The following ATP2B1 variants were observed in gnomAD, a reference collection of about 807,000 sequenced individuals.
ATP2B1 encodes the protein plasma membrane calcium-transporting ATPase 1.
A neutral mutation model predicts 124.2 loss-of-function variants in ATP2B1; 14 were observed. The ratio of observed to expected loss-of-function variants is 0.11; its 90% CI spans 0.07 to 0.18. The LOEUF is 0.18. ATP2B1 is among the 10% of genes least tolerant of loss of function. ATP2B1 has a pLI of 1.00. For missense variants in ATP2B1, 763 were observed against 1,466.1 expected, an observed-to-expected ratio of 0.52 and a Z score of 7.83; for synonymous variants, 449 against 492.4, an observed-to-expected ratio of 0.91 and a Z score of 1.17.
chr12:89,597,971 A>G (rs928698448), intron 20 of ATP2B1, among the ~76,000 whole-genome samples: 2 of 149,736 alleles, frequency 1.3e-5, no homozygotes, highest in Non-Finnish European at 3.0e-5. Flanking sequence ...AACACCCCAA[A>G]CCATAAATAC....
chr12:89,644,083 C>T (rs188172409), intron 2 of ATP2B1, among the ~76,000 whole-genome samples: 17 of 152,178 alleles, frequency 1.1e-4, no homozygotes, highest in Non-Finnish European at 2.1e-4. Context: ...GATCACACCA[C>T]TGAACTCCAG....
chr12:89,706,183 C>T (rs1333858264), intron 1 of ATP2B1, among the ~76,000 whole-genome samples: 1 of 152,172 alleles, frequency 6.6e-6, no homozygotes, highest in Non-Finnish European at 1.5e-5. Context: ...TGTATACAAA[C>T]CACTTTTTCT....
intron 3 of ATP2B1, among the ~76,000 whole-genome samples, chr12:89,637,235 G>A (rs193070300): frequency 9.9e-5 from 15 of 152,170 alleles, no homozygotes; most frequent in African/African-American, 3.6e-4. Context: ...ATAACTGGTG[G>A]GTAGGTATCA....
intron 1 of ATP2B1, among the ~76,000 whole-genome samples, chr12:89,685,045 A>C (rs1889797657): frequency 3.9e-5 from 6 of 152,122 alleles, no homozygotes. Flanking sequence ...CAGTCTACCT[A>C]ATTTGTATTT....
chr12:89,667,727 G>A (rs1031443510), intron 1 of ATP2B1, among the ~76,000 whole-genome samples: 1 of 152,148 alleles, frequency 6.6e-6, no homozygotes, highest in Non-Finnish European at 1.5e-5. Flanking sequence ...ACTGCTAAAA[G>A]AAATCACAGA....
At chr12:89,694,698 C>G (rs531420320) in intron 1 of ATP2B1, among the ~76,000 whole-genome samples, 23 of 152,256 alleles carry the variant, frequency 1.5e-4, no homozygotes, top group African/African-American at 5.3e-4. Context: ...ACAAACAGAG[C>G]TCAGCACAAC....
chr12:89,678,156 G>T (rs1026977864), intron 1 of ATP2B1, among the ~76,000 whole-genome samples: 1 of 151,436 alleles, frequency 6.6e-6, no homozygotes, highest in Non-Finnish European at 1.5e-5. Flanking sequence ...TAAAATGACT[G>T]GTGACCAAAA....
At chr12:89,682,018 T>A (rs935357624) in intron 1 of ATP2B1, among the ~76,000 whole-genome samples, 1 of 152,098 alleles carries the variant, frequency 6.6e-6, no homozygotes, top group African/African-American at 2.4e-5. Context: ...TGAGAGCCAA[T>A]GAAAATTAAT....
intron 1 of ATP2B1, among the ~76,000 whole-genome samples, chr12:89,673,047 C>CA (rs1196709149): frequency 3.3e-5 from 5 of 152,206 alleles, no homozygotes; most frequent in African/African-American, 1.2e-4. Context: ...TTCCTATCCT[C>CA]AAACTCAAAC....
At chr12:89,594,002 A>C (rs1874089648) in intron 20 of ATP2B1, 1 of 152,038 alleles carries the variant, frequency 6.6e-6, no homozygotes, top group Admixed American at 6.6e-5. Context: ...CACTTGAATA[A>C]AACATTCCAT....
In ATP2B1 at chr12:89,672,032, T is replaced by G. The variant is rs531245504; in HGVS notation, c.-221-15925A>C. ...AGTATCATCATTAGCAATCTCTTCC[T>G]TTTTGAAATCTCTAGAGTAGAAAGA... On this transcript the variant is annotated intron_variant, in intron 1 of 20. Transcript: ENST00000428670. 3.9e-5 allele frequency among the ~76,000 whole-genome samples: 6 copies of G among 152,296 alleles called. No homozygotes were observed. The South Asian group carries it at 6.2e-4, about 16-fold the overall frequency.
intron 1 of ATP2B1, among the ~76,000 whole-genome samples, chr12:89,657,890 G>A (rs1381216317): frequency 6.6e-6 from 1 of 152,172 alleles, no homozygotes; most frequent in Non-Finnish European, 1.5e-5. Flanking sequence ...TTGCAAAGAT[G>A]TGACAGTTAC....
At chr12:89,599,027 AG>A (rs756792747) in intron 20 of ATP2B1, 89 bp downstream of exon 20, 237 of 1,427,976 alleles carry the variant, frequency 1.7e-4, no homozygotes, top group Non-Finnish European at 2.1e-4. Context: ...AAGGCTAGAG[AG>A]GAAGTTTAAG....
At chr12:89,614,927 C>T (rs1253673985) in intron 12 of ATP2B1, among the ~76,000 whole-genome samples, 1 of 152,084 alleles carries the variant, frequency 6.6e-6, no homozygotes, top group African/African-American at 2.4e-5. Flanking sequence ...TTCCCTGCTT[C>T]TACTCTTCTT....
intron 2 of ATP2B1, among the ~76,000 whole-genome samples, chr12:89,643,175 T>C (rs1469765516): frequency 6.6e-6 from 1 of 150,472 alleles, no homozygotes; most frequent in African/African-American, 2.5e-5. Context: ...TATGTATATA[T>C]GTATATGTAT....
At chr12:89,610,735 C>T (rs1418605793) in intron 13 of ATP2B1, 2 of 475,024 alleles carry the variant, frequency 4.2e-6, no homozygotes, top group African/African-American at 4.0e-5. Flanking sequence ...TGCTAGGTGA[C>T]TTTGATGCAT....
chr12:89,591,328 G>C (rs1411034851), intron 20 of ATP2B1, 33 bp from the exon 21 acceptor site: 3 of 1,556,338 alleles, frequency 1.9e-6, no homozygotes, highest in Non-Finnish European at 2.6e-6. Flanking sequence ...AAATATGTCA[G>C]TACACTATTA....
intron 1 of ATP2B1, among the ~76,000 whole-genome samples, chr12:89,684,484 T>C (rs1019150607): frequency 6.6e-6 from 1 of 152,138 alleles, no homozygotes; most frequent in Non-Finnish European, 1.5e-5. Context: ...TTCATATATA[T>C]TTATACACAG....
At chr12:89,669,612 A>C (rs989802976) in intron 1 of ATP2B1, among the ~76,000 whole-genome samples, 1 of 152,164 alleles carries the variant, frequency 6.6e-6, no homozygotes, top group East Asian at 1.9e-4. Context: ...TACCATATGA[A>C]CTATCTTAGA....
Sources: allele counts gnomAD v4.1 joint callset (sites outside exome capture counted in the v4.1 genomes callset), GRCh38; gene constraint gnomAD v4.1.1; transcripts MANE v1.5; gene names NCBI Gene and HGNC (gene_info 2026-07-23, HGNC 2026-07-21).